The following EVL variants were observed in gnomAD, a reference collection of about 807,000 sequenced individuals.
EVL encodes the protein Enah/Vasp-like.
In EVL, 21 loss-of-function variants were observed where a neutral mutation model predicts 59.6. The observed-to-expected ratio is 0.35, with a 90% CI of 0.25 to 0.51. The LOEUF is 0.51. EVL is among the 20% of genes least tolerant of loss of function. The pLI, the probability that EVL is intolerant of heterozygous loss-of-function variation, is 0.97. For synonymous variants in EVL, 198 were observed against 203.5 expected (o/e 0.97, Z 0.23); for missense variants, 462 against 546.6 (o/e 0.85, Z 1.54).
At chr14:100,031,051 G>A (rs1595587975) in intron 1 of EVL, among the ~76,000 whole-genome samples, 1 of 151,902 alleles carries the variant, frequency 6.6e-6, no homozygotes, top group Non-Finnish European at 1.5e-5. Context: ...TCCAACAATT[G>A]TAGCTATGAT....
chr14:99,989,043 C>G (rs999932746), intron 1 of EVL, among the ~76,000 whole-genome samples: 17 of 152,196 alleles, frequency 1.1e-4, no homozygotes, highest in African/African-American at 1.9e-4. Context: ...ATCCTAAAAA[C>G]TGTTGTATAC....
At chr14:100,029,418 A>T (rs1252717629) in intron 1 of EVL, among the ~76,000 whole-genome samples, 1 of 152,206 alleles carries the variant, frequency 6.6e-6, no homozygotes, top group Non-Finnish European at 1.5e-5. Context: ...CTTCCAGAAC[A>T]TCTACTCAAT....
At chr14:99,983,734 G>T (rs894597999) in intron 1 of EVL, among the ~76,000 whole-genome samples, 1 of 152,160 alleles carries the variant, frequency 6.6e-6, no homozygotes, top group African/African-American at 2.4e-5. Context: ...GTTGATCTCA[G>T]TCTAGCTGCT....
intron 1 of EVL, among the ~76,000 whole-genome samples, chr14:100,037,984 A>G (rs932787423): frequency 3.9e-5 from 6 of 152,198 alleles, no homozygotes; most frequent in African/African-American, 1.4e-4. Context: ...AAACACACCT[A>G]GACAGGGTCA....
At chr14:100,059,413 A>C (rs2061785451) in intron 1 of EVL, among the ~76,000 whole-genome samples, 1 of 152,204 alleles carries the variant, frequency 6.6e-6, no homozygotes, top group African/African-American at 2.4e-5. Flanking sequence ...TGGACTTTGC[A>C]GGGCAAGGAA....
chr14:100,108,339 C>G lies in EVL; in HGVS notation c.358+10681C>G, dbSNP rs567162174. On this transcript the variant is annotated intron_variant, in intron 3 of 13. Transcript: ENST00000392920. The surrounding 1 kb of genome is among the most constrained non-coding windows in gnomAD (Gnocchi z 4.1). The stretch of plus-strand genomic sequence containing the variant: ...TCCATTGGAAATTACCTCTTTCTCC[C>G]CTAAAGAGAAGGAAGTACTGGACTG... 2.6e-5 allele frequency among the ~76,000 whole-genome samples: 4 copies of G among 152,260 alleles called. No homozygotes were observed. The highest frequency in any genetic ancestry group is 9.6e-5 in the African/African-American group (4 of 41,536).
At chr14:100,107,127 C>T (rs1886620880) in intron 3 of EVL, 2 of 398,658 alleles carry the variant, frequency 5.0e-6, no homozygotes, top group Admixed American at 4.4e-5. Context: ...CCTTCAGGGC[C>T]GTGCCCCATG....
At position 100,097,606 on chromosome 14, in the gene EVL, G is replaced by A. The variant is rs3206354; in HGVS notation, c.306G>A (p.Thr102=). Residue 102 remains threonine (T), a synonymous_variant, in exon 3 of 14, where the codon ACG becomes ACA. Transcript: ENST00000392920. ...TTGCAAGTAAAGAAGAGGCAACCAC[G>A]TTCTCCAATGCAATGCTGTTTGCCC... The part of the protein sequence containing the change: ...LNFASKEEAT[T]FSNAMLFALN... The A allele has an allele frequency of 0.055, 88,057 of 1,613,890 alleles. 4,380 individuals carry two copies. Among genetic ancestry groups the A allele is most frequent in the African/African-American group, 0.26 (19,561 of 74,946 alleles).
At chr14:99,978,476 TTTC>T (rs2060785182) in intron 1 of EVL, among the ~76,000 whole-genome samples, 2 of 152,194 alleles carry the variant, frequency 1.3e-5, no homozygotes, top group Non-Finnish European at 2.9e-5. Context: ...CCATTTTTCT[TTTC>T]TTTTTTTTAA....
At position 100,087,600 on chromosome 14, in the gene EVL, C is replaced by T. The variant is rs140889182; in HGVS notation, c.180+2745C>T. On this transcript the variant is annotated intron_variant, in intron 2 of 13. Transcript: ENST00000392920. ...CTGCATTCCAGCCTGGGTGACAGGGCGAGATTCTGTCTCAAAAAACAAAAA... is the reference window on the plus strand; with the variant it reads ...CTGCATTCCAGCCTGGGTGACAGGGTGAGATTCTGTCTCAAAAAACAAAAA... 1.6e-3 allele frequency among the ~76,000 whole-genome samples: 240 copies of T among 152,116 alleles called. 2 individuals are homozygous for T. The highest frequency in any genetic ancestry group is 0.012 in the East Asian group (60 of 5,174).
intron 1 of EVL, among the ~76,000 whole-genome samples, chr14:100,022,711 A>C (rs1435583217): frequency 6.6e-6 from 1 of 152,224 alleles, no homozygotes; most frequent in Non-Finnish European, 1.5e-5. Context: ...TGGCACCTAC[A>C]ACTGCTTGAC....
At chr14:100,103,839 G>C (rs569286842) in intron 3 of EVL, among the ~76,000 whole-genome samples, 1 of 152,190 alleles carries the variant, frequency 6.6e-6, no homozygotes, top group Non-Finnish European at 1.5e-5. Flanking sequence ...TGAGTGTTGA[G>C]TGCATAGATA....
intron 3 of EVL, 62 bp from the exon 4 acceptor site, chr14:100,123,477 G>T: frequency 6.4e-7 from 1 of 1,560,002 alleles, no homozygotes; most frequent in Non-Finnish European, 8.8e-7. Flanking sequence ...GAGCACTCCA[G>T]TTGGGTTTGC....
chr14:100,072,980 T>C (rs1426522507), intron 1 of EVL, among the ~76,000 whole-genome samples: 5 of 152,160 alleles, frequency 3.3e-5, no homozygotes, highest in Non-Finnish European at 5.9e-5. Flanking sequence ...CCAGGCGTGT[T>C]TCCTAAGAAA....
chr14:100,072,126 G>T (rs1411428431), intron 1 of EVL, among the ~76,000 whole-genome samples: 1 of 152,110 alleles, frequency 6.6e-6, no homozygotes, highest in Non-Finnish European at 1.5e-5. Context: ...TCACATCCTA[G>T]CTTAGCTTGA....
At chr14:100,044,558 G>C (rs1296480247) in intron 1 of EVL, among the ~76,000 whole-genome samples, 1 of 152,182 alleles carries the variant, frequency 6.6e-6, no homozygotes, top group East Asian at 1.9e-4. Context: ...CTTGTCCTCT[G>C]AGAGCTCACA....
intron 1 of EVL, among the ~76,000 whole-genome samples, chr14:100,080,674 G>GA (rs1242411752): frequency 6.6e-6 from 1 of 152,194 alleles, no homozygotes; most frequent in African/African-American, 2.4e-5. Context: ...CTGCTTGTTT[G>GA]AAAAGAGCCT....
At chr14:99,992,603 G>A (rs1172376838) in intron 1 of EVL, among the ~76,000 whole-genome samples, 4 of 152,148 alleles carry the variant, frequency 2.6e-5, no homozygotes, top group Non-Finnish European at 5.9e-5. Flanking sequence ...TAATCTTTGT[G>A]TATGGTGTAA....
chr14:100,041,260 G>A (rs986773343), intron 1 of EVL, among the ~76,000 whole-genome samples: 6 of 152,164 alleles, frequency 3.9e-5, no homozygotes, highest in African/African-American at 1.2e-4. Context: ...AGAACTCCTA[G>A]GTGTAAGATT....
Sources: allele counts gnomAD v4.1 joint callset (sites outside exome capture counted in the v4.1 genomes callset), GRCh38; gene constraint gnomAD v4.1.1; non-coding constraint Gnocchi (gnomAD v3.1); transcripts MANE v1.5; gene names NCBI Gene and HGNC (gene_info 2026-07-23, HGNC 2026-07-21).